PCDH15: variants seen among roughly 807,000 people sequenced by gnomAD.
The protein encoded by PCDH15 is protocadherin related 15.
PCDH15 carries 129 observed loss-of-function variants against 178.5 expected under a neutral mutation model. That is an observed-to-expected ratio of 0.72 (90% CI 0.63 to 0.84). The LOEUF is 0.84. Ranked by LOEUF, PCDH15 falls within the 40% of genes least tolerant of loss-of-function variation. The pLI, the probability that PCDH15 is intolerant of heterozygous loss-of-function variation, is 0.00. For missense variants in PCDH15, 2,230 were observed against 2,099.9 expected (o/e 1.06, Z -1.21); for synonymous variants, 800 against 732.0 (o/e 1.09, Z -1.50).
chr10:54,931,672 G>A (rs1837780188), intron 2 of PCDH15, among the ~76,000 whole-genome samples: 2 of 152,286 alleles, frequency 1.3e-5, no homozygotes, highest in Admixed American at 1.3e-4. Context: ...CATCTGCTAG[G>A]ACAATCCTCA....
chr10:54,372,488 A>T (rs1373091008), intron 4 of PCDH15, among the ~76,000 whole-genome samples: 1 of 151,870 alleles, frequency 6.6e-6, no homozygotes, highest in East Asian at 1.9e-4. Context: ...CCCTGTGGCT[A>T]ATATATAACA....
At chr10:54,785,532 T>C (rs1950778686) in intron 1 of PCDH15, among the ~76,000 whole-genome samples, 1 of 152,008 alleles carries the variant, frequency 6.6e-6, no homozygotes, top group Non-Finnish European at 1.5e-5. Flanking sequence ...TTGATCTGGA[T>C]TAATTAATGT....
intron 2 of PCDH15, among the ~76,000 whole-genome samples, chr10:54,655,248 AAGAAAGAAAGAG>A (rs1321981180): frequency 4.0e-4 from 26 of 65,722 alleles, no homozygotes; most frequent in African/African-American, 1.4e-3. Flanking sequence ...GAAAGAAAGA[AAGAAAGAAAGAG>A]AGAGAGAGAG....
intron 2 of PCDH15, among the ~76,000 whole-genome samples, chr10:55,086,511 C>A (rs576772323): frequency 6.6e-6 from 1 of 152,082 alleles, no homozygotes; most frequent in Non-Finnish European, 1.5e-5. Context: ...GCCTATGCCC[C>A]AGTCTATAGA....
chr10:53,952,803 C>A (rs994661540), intron 23 of PCDH15, among the ~76,000 whole-genome samples: 9 of 152,250 alleles, frequency 5.9e-5, no homozygotes, highest in Non-Finnish European at 1.2e-4. Flanking sequence ...GCCCAAAGTC[C>A]AGAGTGGGCT....
chr10:54,456,129 A>G (rs1398502752), intron 3 of PCDH15, among the ~76,000 whole-genome samples: 1 of 152,064 alleles, frequency 6.6e-6, no homozygotes. Flanking sequence ...AGCACTGTCT[A>G]GTGGAATAGT....
chr10:53,971,422 T>G (rs1218327490), intron 21 of PCDH15, among the ~76,000 whole-genome samples: 1 of 152,182 alleles, frequency 6.6e-6, no homozygotes, highest in Non-Finnish European at 1.5e-5. Context: ...AACATAGTGT[T>G]GGAATTTCTG....
At chr10:55,192,949 C>T (rs1391557851) in intron 1 of PCDH15, among the ~76,000 whole-genome samples, 1 of 148,406 alleles carries the variant, frequency 6.7e-6, no homozygotes, top group Non-Finnish European at 1.5e-5. Context: ...AATATGCCTG[C>T]ATAGGTAGAT....
In PCDH15 at chr10:54,301,346, A is replaced by G. The variant is rs559263038; in HGVS notation, c.876+15925T>C. Among the ~76,000 whole-genome samples the G allele has an allele frequency of 7.2e-5, 11 of 152,314 alleles. No individual in the cohort carries two copies. The East Asian group carries it at 2.1e-3, about 29-fold the overall frequency. On this transcript the variant is annotated intron_variant, in intron 8 of 37. Transcript: ENST00000644397. ...CACTAATCGATTGTATCCAAAATAT[A>G]AGTCTTCTATCATTCTGTTGTACAA...
intron 8 of PCDH15, among the ~76,000 whole-genome samples, chr10:54,303,633 A>C (rs1252115133): frequency 6.6e-6 from 1 of 152,124 alleles, no homozygotes; most frequent in East Asian, 1.9e-4. Context: ...TGTGTTATTA[A>C]TCAGGTATAC....
At chr10:54,664,037 G>A (rs1224143827) in intron 2 of PCDH15, 135 bp downstream of exon 2, 2 of 733,162 alleles carry the variant, frequency 2.7e-6, no homozygotes, top group Non-Finnish European at 4.7e-6. Context: ...TTTTAGTTAA[G>A]GTTAATTATT....
chr10:54,210,300 A>G (rs1426459437), intron 10 of PCDH15, among the ~76,000 whole-genome samples: 1 of 152,082 alleles, frequency 6.6e-6, no homozygotes, highest in Non-Finnish European at 1.5e-5. Flanking sequence ...AGACGTAGGT[A>G]CACAGATTCA....
At chr10:55,489,667 ATAT>A in intron 2 of PCDH15, among the ~76,000 whole-genome samples, 1 of 151,832 alleles carries the variant, frequency 6.6e-6, no homozygotes, top group East Asian at 2.0e-4. Context: ...CCTAAAGCTC[ATAT>A]TTAAACACAG....
chr10:53,939,359 T>G (rs1298892782), intron 24 of PCDH15, among the ~76,000 whole-genome samples: 1 of 152,124 alleles, frequency 6.6e-6, no homozygotes, highest in Non-Finnish European at 1.5e-5. Flanking sequence ...CTGAACTTAC[T>G]GGATTATTAT....
intron 8 of PCDH15, among the ~76,000 whole-genome samples, chr10:54,267,579 T>C (rs2057775405): frequency 6.6e-6 from 1 of 151,882 alleles, no homozygotes; most frequent in African/African-American, 2.4e-5. Flanking sequence ...AGTAAAGTTT[T>C]AAGATAGGCA....
At chr10:54,152,484 T>C (rs762340991) in intron 14 of PCDH15, among the ~76,000 whole-genome samples, 1 of 151,930 alleles carries the variant, frequency 6.6e-6, no homozygotes, top group Non-Finnish European at 1.5e-5. Context: ...TTATCTAGTA[T>C]CTACATGGAG....
chr10:55,459,246 A>G (rs1226078287), intron 2 of PCDH15, among the ~76,000 whole-genome samples: 4 of 149,622 alleles, frequency 2.7e-5, no homozygotes, highest in Non-Finnish European at 5.9e-5. Flanking sequence ...AAAAAAAAAG[A>G]AGGAAAGAAA....
At chr10:54,929,547 T>C (rs746709035) in intron 2 of PCDH15, among the ~76,000 whole-genome samples, 1 of 152,200 alleles carries the variant, frequency 6.6e-6, no homozygotes, top group African/African-American at 2.4e-5. Context: ...CCTTAGATCT[T>C]CCATAATTTA....
chr10:55,087,562 A>G (rs1564787103), intron 2 of PCDH15, among the ~76,000 whole-genome samples: 1 of 152,104 alleles, frequency 6.6e-6, no homozygotes, highest in Non-Finnish European at 1.5e-5. Context: ...AAAACAATGG[A>G]TTTTTTATCC....
Sources: allele counts gnomAD v4.1 joint callset (sites outside exome capture counted in the v4.1 genomes callset), GRCh38; gene constraint gnomAD v4.1.1; transcripts MANE v1.5; gene names NCBI Gene and HGNC (gene_info 2026-07-23, HGNC 2026-07-21).